CD2AP: variants seen among roughly 807,000 people sequenced by gnomAD.
The protein encoded by CD2AP is CD2-associated protein.
Under a neutral mutation model 85.1 loss-of-function variants are expected in CD2AP, and 46 were observed. The observed-to-expected ratio is 0.54, with a 90% CI of 0.43 to 0.69. The LOEUF (loss-of-function observed/expected upper bound fraction) is 0.69. Among genes scored for constraint, CD2AP ranks in the 30% least tolerant of loss-of-function variants. The probability of loss-of-function intolerance (pLI) is 0.00; values close to 1 mark genes in which losing one functional copy is unlikely to be tolerated. For synonymous variants in CD2AP, 255 were observed against 252.9 expected, an observed-to-expected ratio of 1.01 and a Z score of -0.08; for missense variants, 769 against 729.5, an observed-to-expected ratio of 1.05 and a Z score of -0.62.
At chr6:47,495,549 A>G (rs890759314) in intron 1 of CD2AP, among the ~76,000 whole-genome samples, 6 of 152,162 alleles carry the variant, frequency 3.9e-5, no homozygotes, top group African/African-American at 1.4e-4. Context: ...TGTTCCTGCT[A>G]ATTTATGGCT....
intron 3 of CD2AP, among the ~76,000 whole-genome samples, chr6:47,543,179 GAAAAAAGAA>G (rs1290418331): frequency 3.9e-5 from 5 of 127,284 alleles, no homozygotes; most frequent in Admixed American, 7.7e-5. Context: ...AAAAGAAAAA[GAAAAAAGAA>G]AAAAAAGAAA....
At chr6:47,579,304 C>A in intron 8 of CD2AP, 81 bp from the exon 9 acceptor site, 1 of 849,902 alleles carries the variant, frequency 1.2e-6, no homozygotes. Flanking sequence ...CACTGCACTT[C>A]AGCCTGGCCA....
intron 2 of CD2AP, among the ~76,000 whole-genome samples, chr6:47,518,104 A>G (rs981809725): frequency 6.6e-6 from 1 of 152,128 alleles, no homozygotes; most frequent in African/African-American, 2.4e-5. Context: ...TTATATGTGT[A>G]TATATACTGG....
chr6:47,620,680 G>A (rs375693039), intron 17 of CD2AP, among the ~76,000 whole-genome samples: 41 of 152,310 alleles, frequency 2.7e-4, no homozygotes, highest in African/African-American at 9.9e-4. Context: ...CCATCCACGA[G>A]CGTGGGATGT....
At chr6:47,524,610 G>GT (rs66491194) in intron 2 of CD2AP, among the ~76,000 whole-genome samples, 44,970 of 133,284 alleles carry the variant, frequency 0.34, 7,171 homozygotes, top group African/African-American at 0.42. Flanking sequence ...GTTCTTAAGT[G>GT]TTTTTTTTTC....
At chr6:47,622,533 C>G (rs556188684) in intron 17 of CD2AP, among the ~76,000 whole-genome samples, 5 of 152,168 alleles carry the variant, frequency 3.3e-5, no homozygotes, top group African/African-American at 4.8e-5. Flanking sequence ...TCCTCTACCC[C>G]CCTTGTATTT....
At chr6:47,614,026 G>A (rs1366560150) in intron 17 of CD2AP, among the ~76,000 whole-genome samples, 1 of 152,192 alleles carries the variant, frequency 6.6e-6, no homozygotes, top group Non-Finnish European at 1.5e-5. Flanking sequence ...TCAAAGAATT[G>A]AAGAGAGTTA....
chr6:47,513,875 T>A (rs567405978), intron 2 of CD2AP, among the ~76,000 whole-genome samples: 210 of 143,196 alleles, frequency 1.5e-3, no homozygotes, highest in African/African-American at 5.2e-3. Flanking sequence ...CATCAGACTT[T>A]AAAAAAAATT....
chr6:47,561,895 G>A (rs1449764070), intron 5 of CD2AP, among the ~76,000 whole-genome samples: 3 of 151,906 alleles, frequency 2.0e-5, no homozygotes, highest in African/African-American at 7.3e-5. Flanking sequence ...ATTCTCCTGC[G>A]TCAACCTCCC....
chr6:47,566,961 A>G (rs1477013575), intron 5 of CD2AP, among the ~76,000 whole-genome samples: 1 of 152,136 alleles, frequency 6.6e-6, no homozygotes, highest in Non-Finnish European at 1.5e-5. Context: ...AGTAGAATAA[A>G]TCCTCTTAGC....
chr6:47,598,478 A>G (rs549541179), intron 12 of CD2AP, among the ~76,000 whole-genome samples: 3 of 151,194 alleles, frequency 2.0e-5, no homozygotes, highest in East Asian at 1.9e-4. Flanking sequence ...ACAATTCGCA[A>G]TTGCAAAGTA....
chr6:47,616,746 A>G (rs1298575214), intron 17 of CD2AP, among the ~76,000 whole-genome samples: 1 of 152,184 alleles, frequency 6.6e-6, no homozygotes, highest in African/African-American at 2.4e-5. Context: ...TCTTAAAAAA[A>G]GTCTACTTTT....
At chr6:47,560,011 T>A (rs1487974900) in intron 5 of CD2AP, among the ~76,000 whole-genome samples, 1 of 152,174 alleles carries the variant, frequency 6.6e-6, no homozygotes, top group Non-Finnish European at 1.5e-5. Flanking sequence ...TGGATCCCAT[T>A]CCTCTATACA....
chr6:47,579,624 T>TTAAA, intron 9 of CD2AP, 135 bp downstream of exon 9: 1 of 640,082 alleles, frequency 1.6e-6, no homozygotes, highest in South Asian at 1.9e-5. Context: ...CAGGTAGGAG[T>TTAAA]TATTTGAGTT....
chr6:47,600,261 A>C lies in CD2AP; in HGVS notation c.1417+818A>C, dbSNP rs377262722. Among the ~76,000 whole-genome samples the C allele has an allele frequency of 7.5e-4, 114 of 152,060 alleles. 1 individual carries two copies. Among genetic ancestry groups the C allele is most frequent in the African/African-American group, 1.2e-3 (49 of 41,558 alleles). The stretch of plus-strand genomic sequence containing the variant: ...AAATAAGCACTATCACATAAATCAA[A>C]GGAGAACTCTAAATTTTCATTTTTA... On this transcript the variant is annotated intron_variant, in intron 13 of 17. Coordinates refer to ENST00000359314, the MANE Select transcript of CD2AP (RefSeq NM_012120.3).
rs768878089 is a variant in CD2AP, at chr6:47,582,027, C to T, written c.1070C>T (p.Ala357Val). The T allele has an allele frequency of 8.7e-6, 14 of 1,608,120 alleles. No homozygotes were observed. Among genetic ancestry groups the T allele is most frequent in the Middle Eastern group, 1.6e-4 (1 of 6,064 alleles). The change falls in exon 11 of 18, where the codon GCA becomes GTA. Residue 357 changes from alanine (A) to valine (V), a missense_variant. Coordinates refer to ENST00000359314, the MANE Select transcript of CD2AP (RefSeq NM_012120.3). Reference sequence around the variant, plus strand: ...GCTCCAAAGCCTGAACTGATAGCTGCAGAGAAGAAATATTTTTCTTTAAAG... The same window carrying T: ...GCTCCAAAGCCTGAACTGATAGCTGTAGAGAAGAAATATTTTTCTTTAAAG... ...APAPKPELIA[A>V]EKKYFSLKPE...
rs145347609 is a variant in CD2AP, at chr6:47,599,430, C to T, written c.1404C>T (p.Thr468=). 8.7e-5 allele frequency: 141 copies of T among 1,611,748 alleles called. No individual in the cohort carries two copies. The highest frequency in any genetic ancestry group is 1.1e-4 in the Non-Finnish European group (131 of 1,178,950). ...SVDFDSLTVR[T]SKETDVVNFD... ...ACTTTGATTCACTTACAGTAAGGAC[C>T]TCCAAAGAAACAGGTAAGTCAGCAT... Residue 468 remains threonine, a synonymous_variant, in exon 13 of 18, where the codon ACC becomes ACT. Coordinates refer to ENST00000359314, the MANE Select transcript of CD2AP (RefSeq NM_012120.3).
At chr6:47,611,687 A>G (rs1290562180) in intron 16 of CD2AP, among the ~76,000 whole-genome samples, 1 of 151,930 alleles carries the variant, frequency 6.6e-6, no homozygotes, top group Non-Finnish European at 1.5e-5. Context: ...GAAAATGTCC[A>G]TACTTTTGAT....
intron 13 of CD2AP, 74 bp downstream of exon 13, chr6:47,599,517 A>G (rs1769057551): frequency 9.7e-6 from 13 of 1,338,790 alleles, no homozygotes; most frequent in Non-Finnish European, 1.4e-5. Context: ...AGATATATTT[A>G]TGCAATTTGT....
Sources: allele counts gnomAD v4.1 joint callset (sites outside exome capture counted in the v4.1 genomes callset), GRCh38; gene constraint gnomAD v4.1.1; transcripts MANE v1.5; gene names NCBI Gene and HGNC (gene_info 2026-07-23, HGNC 2026-07-21).